Variants in SLC9A3 observed in about 807,000 individuals in gnomAD.
SLC9A3 encodes the protein solute carrier family 9 member A3, also known as sodium/hydrogen exchanger 3.
In SLC9A3, 37 loss-of-function variants were observed where a neutral mutation model predicts 86.8. The observed-to-expected ratio is 0.43, with a 90% confidence interval of 0.33 to 0.56. The LOEUF is 0.56. Ranked by LOEUF, SLC9A3 falls within the 20% of genes least tolerant of loss-of-function variation. SLC9A3 has a pLI of 0.06. For missense variants in SLC9A3, 1,011 were observed against 1,171.9 expected (o/e 0.86, Z 2.00); for synonymous variants, 581 against 528.3 (o/e 1.10, Z -1.37).
At position 497,796 on chromosome 5, in the gene SLC9A3, C is replaced by CTCCGACAACTCAGGCA. The variant is rs1560965066; in HGVS notation, c.212-5726_212-5725insTGCCTGAGTTGTCGGA. ...CCCGGCCGCATCCCCAGCCTCTGCC[C>CTCCGACAACTCAGGCA]CTGTCCCGGGTGGGGTCGCCCGGCC... On this transcript the variant is annotated intron_variant, in intron 1 of 16. Transcript: ENST00000264938. The surrounding 1 kb of genome is among the most constrained non-coding windows in gnomAD (Gnocchi z 5.4). Among the ~76,000 whole-genome samples the CTCCGACAACTCAGGCA allele has an allele frequency of 2.3e-4, 12 of 52,522 alleles. No individual in the cohort carries two copies. The highest frequency in any genetic ancestry group is 1.3e-3 in the South Asian group (1 of 798). 34.5% of individuals were successfully genotyped at this position (52,522 alleles called of 152,430 possible).
rs370683147 is a variant in SLC9A3 at position 482,754 on chromosome 5, C to T, written c.1154-4G>A. 3.3e-4 allele frequency: 521 copies of T among 1,594,094 alleles called. 1 individual carries two copies. Among genetic ancestry groups the T allele is most frequent in the Non-Finnish European group, 4.2e-4 (487 of 1,171,094 alleles). On this transcript the variant is annotated splice_region_variant and splice_polypyrimidine_tract_variant and intron_variant, in intron 6 of 16. Coordinates refer to ENST00000264938, the MANE Select transcript of SLC9A3 (RefSeq NM_004174.4). ...AGCCAGGTCTGCAGGACCACACCTG[C>T]GGATGATGGGGCGGGCACTCAGCTC...
At chr5:476,449 TGAGCA>T in intron 12 of SLC9A3, 71 bp from the exon 13 acceptor site, 1 of 1,605,066 alleles carries the variant, frequency 6.2e-7, no homozygotes, top group Non-Finnish European at 8.5e-7. Context: ...CCGCAGGAGC[TGAGCA>T]CGGATCCCCC....
At position 471,208 on chromosome 5, in the gene SLC9A3, A is replaced by C; in HGVS notation, c.*2171T>G. The C allele has an allele frequency of 6.2e-6, 1 of 160,974 alleles. No homozygotes were observed. The highest frequency in any genetic ancestry group is 1.6e-4 in the South Asian group (1 of 6,084). 10.0% of individuals were successfully genotyped at this position (160,974 alleles called of 1,614,324 possible). On this transcript the variant is annotated 3_prime_UTR_variant, in exon 17 of 17. Transcript: ENST00000264938. Reference sequence around the variant, plus strand: ...GTGTTGTGTTCACCATGTGGAGATCAGGCGGCGATTACCGCATCTTCTTTG... The same window carrying C: ...GTGTTGTGTTCACCATGTGGAGATCCGGCGGCGATTACCGCATCTTCTTTG...
At chr5:487,692 G>T (rs1197299849) in intron 3 of SLC9A3, among the ~76,000 whole-genome samples, 5 of 152,220 alleles carry the variant, frequency 3.3e-5, no homozygotes, top group African/African-American at 1.2e-4. Flanking sequence ...ATTTGAGATG[G>T]AGTCTCACTC....
At chr5:516,399 G>T (rs908041281) in intron 1 of SLC9A3, among the ~76,000 whole-genome samples, 1 of 152,174 alleles carries the variant, frequency 6.6e-6, no homozygotes, top group Non-Finnish European at 1.5e-5. Context: ...AGACGGATGA[G>T]ACCATTCAAG....
chr5:514,244 G>A (rs925459476), intron 1 of SLC9A3, among the ~76,000 whole-genome samples: 1 of 152,258 alleles, frequency 6.6e-6, no homozygotes, highest in Non-Finnish European at 1.5e-5. Flanking sequence ...GCGTGCTCAG[G>A]CAGTCCCGGT....
intron 1 of SLC9A3, among the ~76,000 whole-genome samples, chr5:492,393 AG>A (rs1739814309): frequency 6.9e-5 from 1 of 14,422 alleles, no homozygotes; most frequent in Non-Finnish European, 1.3e-4. Context: ...CCCACAGGGG[AG>A]GGGAGGGAGG....
In SLC9A3 at chr5:475,647, T is replaced by A; in HGVS notation, c.2165A>T (p.Glu722Val). 1 of 1,551,192 alleles carries A rather than the reference T, an allele frequency of 6.4e-7. No homozygotes were observed. The highest frequency in any genetic ancestry group is 8.7e-7 in the Non-Finnish European group (1 of 1,146,366). ...CATCTCCTCATCATAGTTGGGGGGC[T>A]CCTCGGTGTCTGAAAGTTCCAAGTC... is the stretch of plus-strand genomic sequence containing the variant. ...EKDLELSDTEEPPNYDEEMSG... is the reference protein window; with the variant it reads ...EKDLELSDTEVPPNYDEEMSG... Residue 722 changes from glutamate (E) to valine (V), a missense_variant, in exon 15 of 17, where the codon GAG (glutamate) becomes GTG (valine). Transcript: ENST00000264938.
intron 1 of SLC9A3, among the ~76,000 whole-genome samples, chr5:503,539 T>C (rs949532985): frequency 2.0e-5 from 3 of 152,072 alleles, no homozygotes; most frequent in Non-Finnish European, 2.9e-5. Flanking sequence ...AGGCCTGATA[T>C]ATGTGTAGCT....
intron 2 of SLC9A3, among the ~76,000 whole-genome samples, chr5:490,876 A>C (rs13181243): frequency 0.69 from 104,266 of 152,114 alleles, 37,784 homozygotes; most frequent in Non-Finnish European, 0.83. Context: ...GGCAGGGACT[A>C]CAGGGAGGGG....
chr5:480,275 TGCACAGGAGGAAGG>T, intron 9 of SLC9A3: 1 of 303,294 alleles, frequency 3.3e-6, no homozygotes, highest in African/African-American at 2.2e-5. Context: ...CACCTTCAGG[TGCACAGGAGGAAGG>T]GCAGGGGCGG....
chr5:484,168 T>C (rs1472314543), intron 5 of SLC9A3, among the ~76,000 whole-genome samples: 2 of 41,100 alleles, frequency 4.9e-5, no homozygotes, highest in African/African-American at 1.0e-4. Context: ...CCCAGGAGGG[T>C]GTGGAGAAGC....
At chr5:488,105 C>T (rs1739554898) in intron 3 of SLC9A3, among the ~76,000 whole-genome samples, 1 of 152,238 alleles carries the variant, frequency 6.6e-6, no homozygotes, top group South Asian at 2.1e-4. Flanking sequence ...GCGGGCAGGG[C>T]CTGGGAACTG....
At chr5:509,230 AC>A (rs1452015117) in intron 1 of SLC9A3, among the ~76,000 whole-genome samples, 1 of 150,856 alleles carries the variant, frequency 6.6e-6, no homozygotes, top group Non-Finnish European at 1.5e-5. Flanking sequence ...GGAGCGGATC[AC>A]TTGAGGCCAG....
Position 476,095 on chromosome 5 carries a change from G to C in SLC9A3, c.2068-3C>G. Reference sequence around the variant, plus strand: ...CCATTGGGGATGCTGCTGTTTCTCTGCGGAGCAAACGTGAAGCTGCTCACA... The same window carrying C: ...CCATTGGGGATGCTGCTGTTTCTCTCCGGAGCAAACGTGAAGCTGCTCACA... On this transcript the variant is annotated splice_region_variant and splice_polypyrimidine_tract_variant and intron_variant, in intron 13 of 16. Transcript: ENST00000264938. 1 of 1,613,296 alleles carries C rather than the reference G, an allele frequency of 6.2e-7. No homozygotes were observed. Among genetic ancestry groups the C allele is most frequent in the Non-Finnish European group, 8.5e-7 (1 of 1,179,804 alleles).
chr5:513,993 A>C (rs1733651439), intron 1 of SLC9A3, among the ~76,000 whole-genome samples: 1 of 152,208 alleles, frequency 6.6e-6, no homozygotes, highest in African/African-American at 2.4e-5. Flanking sequence ...TTCCGCCTGA[A>C]GAGATTCCCC....
intron 1 of SLC9A3, among the ~76,000 whole-genome samples, chr5:503,245 C>A (rs1437498767): frequency 2.0e-5 from 3 of 152,204 alleles, no homozygotes; most frequent in African/African-American, 7.2e-5. Context: ...GTAACCAGAG[C>A]CTCAGTGGCC....
intron 6 of SLC9A3, 151 bp downstream of exon 6, chr5:483,111 C>A: frequency 1.5e-6 from 1 of 656,518 alleles, no homozygotes. Context: ...GCCTCCCACC[C>A]CAGCCCCGAG....
At chr5:480,338 T>A (rs1739085777) in intron 9 of SLC9A3, 2 of 187,730 alleles carry the variant, frequency 1.1e-5, no homozygotes, top group South Asian at 2.3e-4. Flanking sequence ...GGAGCCAAGC[T>A]GACCAGAGTG....
Sources: allele counts gnomAD v4.1 joint callset (sites outside exome capture counted in the v4.1 genomes callset), GRCh38; gene constraint gnomAD v4.1.1; non-coding constraint Gnocchi (gnomAD v3.1); transcripts MANE v1.5; gene names NCBI Gene and HGNC (gene_info 2026-07-23, HGNC 2026-07-21).